Variants in HERC6 observed in about 807,000 individuals in gnomAD.
HERC6 encodes the protein HECT and RLD domain containing E3 ubiquitin protein ligase family member 6, also known as probable E3 ubiquitin-protein ligase HERC6.
Under a neutral mutation model 114.5 loss-of-function variants are expected in HERC6, and 101 were observed. That is an observed-to-expected ratio of 0.88 (90% CI 0.75 to 1.04). HERC6 has a LOEUF of 1.04. Ranked by LOEUF, HERC6 falls within the 50% of genes least tolerant of loss-of-function variation. The pLI is 0.00. For synonymous variants in HERC6, 408 were observed against 436.2 expected, an observed-to-expected ratio of 0.94 and a Z score of 0.81; for missense variants, 1,133 against 1,230.9, an observed-to-expected ratio of 0.92 and a Z score of 1.19.
intron 11 of HERC6, among the ~76,000 whole-genome samples, chr4:88,409,611 G>A: frequency 6.6e-6 from 1 of 152,186 alleles, no homozygotes. Flanking sequence ...GGTTTGGGAA[G>A]CAGGATAACC....
chr4:88,423,609 T>C (rs1032768643), intron 13 of HERC6, among the ~76,000 whole-genome samples: 2 of 152,214 alleles, frequency 1.3e-5, no homozygotes, highest in African/African-American at 4.8e-5. Context: ...AGTAAATCTA[T>C]GCCCTAAAAA....
chr4:88,418,840 C>T (rs1204572092), intron 13 of HERC6, among the ~76,000 whole-genome samples: 4 of 152,078 alleles, frequency 2.6e-5, no homozygotes, highest in Admixed American at 1.3e-4. Flanking sequence ...GATTCACCTG[C>T]CTCAGCCTCC....
chr4:88,419,575 T>G (rs911427325), intron 13 of HERC6, among the ~76,000 whole-genome samples: 1 of 152,274 alleles, frequency 6.6e-6, no homozygotes, highest in East Asian at 1.9e-4. Flanking sequence ...GCAAGTTACC[T>G]GAGATCTTGT....
At chr4:88,383,556 T>G (rs1254040114) in intron 2 of HERC6, among the ~76,000 whole-genome samples, 176 bp downstream of exon 2, 1 of 151,800 alleles carries the variant, frequency 6.6e-6, no homozygotes, top group Non-Finnish European at 1.5e-5. Context: ...GTCAGGAATT[T>G]GAGACCAGCC....
chr4:88,398,143 C>A lies in HERC6; in HGVS notation c.1026C>A (p.Asp342Glu), dbSNP rs370338108. 8.5e-5 allele frequency: 135 copies of A among 1,583,078 alleles called. No individual in the cohort carries two copies. Among genetic ancestry groups the A allele is most frequent in the Non-Finnish European group, 1.1e-4 (131 of 1,164,026 alleles). ...FDISCLISAE[D>E]FVDVQVKHIF... Reference sequence around the variant, plus strand: ...CATGGATTTATGACTTTCTTTTAGACTTCGTGGATGTTCAAGTCAAACACA... The same window carrying A: ...CATGGATTTATGACTTTCTTTTAGAATTCGTGGATGTTCAAGTCAAACACA... The change falls in exon 8 of 23, where the codon GAC becomes GAA. Residue 342 changes from aspartate (D) to glutamate (E), a missense_variant and splice_region_variant. Asp to Glu is a conservative substitution (Grantham distance 45). Around this residue, in one of 3 missense-constraint regions of HERC6, gnomAD observed 735 missense variants for 754.0 expected, o/e 0.97. Transcript: ENST00000264346.
At chr4:88,390,605 G>T in intron 3 of HERC6, 47 bp from the exon 4 acceptor site, 2 of 1,431,598 alleles carry the variant, frequency 1.4e-6, no homozygotes, top group Non-Finnish European at 1.9e-6. Flanking sequence ...ATTTGAATTT[G>T]GTATTCTAAT....
At position 88,440,180 on chromosome 4, in the gene HERC6, A is replaced by G. The variant is rs1158879031; in HGVS notation, c.2772A>G (p.Ser924=). The change falls in exon 22 of 23, where the codon TCA becomes TCG. Residue 924 remains serine, a synonymous_variant. Transcript: ENST00000264346. ...NSKYEQGYQK[S]HPTIQLFWKA... Reference sequence around the variant, plus strand: ...AGTATGAGCAAGGATACCAAAAATCACATCCTACTATACAGTTGTTTTGGA... The same window carrying G: ...AGTATGAGCAAGGATACCAAAAATCGCATCCTACTATACAGTTGTTTTGGA... 1 of 1,609,338 alleles carries G rather than the reference A, an allele frequency of 6.2e-7. No individual in the cohort carries two copies.
Position 88,379,126 on chromosome 4 carries a change from CG to C in HERC6, c.199+12del, listed in dbSNP as rs1207279452. ...GCAGCGCGGGGAGCTGCCAGGTGAG[CG>C]GGGGGCCCCAGGTGCAGGGTGTGAG... On this transcript the variant is annotated splice_region_variant and intron_variant, in intron 1 of 22. Coordinates refer to ENST00000264346, the MANE Select transcript of HERC6 (RefSeq NM_017912.4). 14 of 1,536,218 alleles carry C rather than the reference CG, an allele frequency of 9.1e-6. No individual in the cohort carries two copies. Among genetic ancestry groups the C allele is most frequent in the South Asian group, 1.2e-5 (1 of 83,674 alleles).
At chr4:88,380,333 AT>A (rs1167054826) in intron 1 of HERC6, among the ~76,000 whole-genome samples, 14 of 55,220 alleles carry the variant, frequency 2.5e-4, no homozygotes, top group African/African-American at 9.0e-4. Flanking sequence ...TATATAATAT[AT>A]AAATATATAT....
intron 6 of HERC6, 98 bp from the exon 7 acceptor site, chr4:88,396,753 G>T: frequency 8.7e-7 from 1 of 1,149,992 alleles, no homozygotes; most frequent in Non-Finnish European, 1.2e-6. Flanking sequence ...AAAGTAAATT[G>T]GGCTTTTTGT....
chr4:88,440,140 C>A lies in HERC6; in HGVS notation c.2740-8C>A, dbSNP rs1739200253. The A allele has an allele frequency of 6.2e-7, 1 of 1,604,896 alleles. No homozygotes were observed. The highest frequency in any genetic ancestry group is 1.1e-5 in the South Asian group (1 of 90,098). The stretch of plus-strand genomic sequence containing the variant: ...ACTCAAATCATTTTTCTCCCTCTTT[C>A]TCTCAAGAATTCAAAGTATGAGCAA... On this transcript the variant is annotated splice_polypyrimidine_tract_variant and splice_region_variant and intron_variant, in intron 21 of 22. Coordinates refer to ENST00000264346, the MANE Select transcript of HERC6 (RefSeq NM_017912.4).
At chr4:88,381,542 G>A (rs1164525563) in intron 1 of HERC6, among the ~76,000 whole-genome samples, 3 of 147,662 alleles carry the variant, frequency 2.0e-5, no homozygotes, top group African/African-American at 5.0e-5. Context: ...CATCTTAGGT[G>A]ACCCTTCTCT....
At chr4:88,409,281 A>T (rs1340616284) in intron 11 of HERC6, among the ~76,000 whole-genome samples, 1 of 152,154 alleles carries the variant, frequency 6.6e-6, no homozygotes. Flanking sequence ...TATAAACTAA[A>T]TTTCTCCCAA....
chr4:88,407,130 C>T (rs567392463), intron 10 of HERC6, among the ~76,000 whole-genome samples: 7 of 152,152 alleles, frequency 4.6e-5, no homozygotes, highest in East Asian at 1.9e-4. Context: ...CAGGCTTGAG[C>T]GCTGTGGCGT....
chr4:88,395,210 AAGAATAAATAGAAATAAAT>A (rs953116466), intron 5 of HERC6, among the ~76,000 whole-genome samples: 3 of 152,208 alleles, frequency 2.0e-5, no homozygotes, highest in Admixed American at 2.0e-4. Flanking sequence ...TCTCAATATA[AAGAATAAATAGAAATAAAT>A]AGAATAAATA....
At chr4:88,436,442 G>GGTT (rs1738751879) in intron 18 of HERC6, among the ~76,000 whole-genome samples, 2 of 152,164 alleles carry the variant, frequency 1.3e-5, no homozygotes, top group Non-Finnish European at 2.9e-5. Flanking sequence ...CTGGAGCAGG[G>GGTT]GTTCTCAGCC....
intron 11 of HERC6, among the ~76,000 whole-genome samples, chr4:88,412,762 T>A (rs752096681): frequency 1.3e-5 from 2 of 152,226 alleles, no homozygotes; most frequent in Non-Finnish European, 2.9e-5. Flanking sequence ...GTGACCTGCA[T>A]ACAACATTGC....
intron 13 of HERC6, among the ~76,000 whole-genome samples, chr4:88,419,304 A>G (rs921438145): frequency 6.6e-6 from 1 of 152,196 alleles, no homozygotes; most frequent in African/African-American, 2.4e-5. Flanking sequence ...AGAGTTACCT[A>G]GAGTCAGTGG....
chr4:88,426,264 G>A (rs918285259), intron 15 of HERC6, among the ~76,000 whole-genome samples: 2 of 151,698 alleles, frequency 1.3e-5, no homozygotes, highest in Non-Finnish European at 2.9e-5. Flanking sequence ...TGCCTCCCGG[G>A]TTCAAGCGAT....
Sources: gnomAD v4.1 joint callset for allele counts (sites outside exome capture counted in the v4.1 genomes callset) on GRCh38, gnomAD v4.1.1 for gene constraint, gnomAD v4.1.1 regional missense constraint, MANE v1.5 for transcripts, NCBI Gene and HGNC (gene_info 2026-07-23, HGNC 2026-07-21) for gene names.